GATAD2A: variants seen among roughly 807,000 people sequenced by gnomAD.
The protein encoded by GATAD2A is GATA zinc finger domain containing 2A.
Under a neutral mutation model 68.5 loss-of-function variants are expected in GATAD2A, and 12 were observed. The observed-to-expected ratio is 0.18, with a 90% confidence interval of 0.11 to 0.28. The LOEUF (loss-of-function observed/expected upper bound fraction) is 0.28, where lower values mean the gene tolerates loss of function less well. Among genes scored for constraint, GATAD2A ranks in the 10% least tolerant of loss-of-function variants. The pLI, the probability that GATAD2A is intolerant of heterozygous loss-of-function variation, is 1.00. For missense variants in GATAD2A, 755 were observed against 868.5 expected (o/e 0.87, Z 1.64); for synonymous variants, 410 against 375.3 (o/e 1.09, Z -1.07).
intron 1 of GATAD2A, among the ~76,000 whole-genome samples, chr19:19,397,000 C>T (rs550231004): frequency 6.6e-6 from 1 of 152,264 alleles, no homozygotes; most frequent in East Asian, 1.9e-4. Flanking sequence ...GCCACTGCTC[C>T]CAGCCGTTAG....
At chr19:19,401,974 G>T (rs2049792735), upstream of GATAD2A, 1 of 152,328 alleles carries the variant, frequency 6.6e-6, no homozygotes, top group South Asian at 2.1e-4. Flanking sequence ...TTTTGCTGTA[G>T]TTAAGGTAGA....
At chr19:19,488,582 G>A (rs1018766866) in intron 2 of GATAD2A, among the ~76,000 whole-genome samples, 1 of 152,202 alleles carries the variant, frequency 6.6e-6, no homozygotes, top group African/African-American at 2.4e-5. Context: ...GTGGGATCGT[G>A]TCTCAATTTA....
intron 1 of GATAD2A, among the ~76,000 whole-genome samples, chr19:19,388,297 T>C (rs990710332): frequency 2.0e-5 from 3 of 152,098 alleles, no homozygotes; most frequent in African/African-American, 7.2e-5. Context: ...CCTCAGGTGA[T>C]CCGCCGGCCT....
rs1310008332 is a variant in GATAD2A, at chr19:19,505,701, G to C, written c.*227G>C. ...AGGCAGACGAGGATCATCGCTGGGGGACCTTTCCCGTGGGCTTTCTTCCTT... is the reference window on the plus strand; with the variant it reads ...AGGCAGACGAGGATCATCGCTGGGGCACCTTTCCCGTGGGCTTTCTTCCTT... On this transcript the variant is annotated 3_prime_UTR_variant, in exon 12 of 12. Coordinates refer to ENST00000683918, the MANE Select transcript of GATAD2A (RefSeq NM_001384528.1). 3 of 477,582 alleles carry C rather than the reference G, an allele frequency of 6.3e-6. No individual in the cohort carries two copies. The highest frequency in any genetic ancestry group is 1.1e-5 in the Non-Finnish European group (3 of 273,792). 29.6% of individuals were successfully genotyped at this position (477,582 alleles called of 1,614,324 possible).
At chr19:19,459,415 A>G (rs2057228061) in intron 1 of GATAD2A, among the ~76,000 whole-genome samples, 1 of 151,088 alleles carries the variant, frequency 6.6e-6, no homozygotes, top group South Asian at 2.1e-4. Context: ...CTATTCTGCA[A>G]CTTTTCTCCC....
chr19:19,492,104 C>A (rs922590801), intron 2 of GATAD2A, among the ~76,000 whole-genome samples: 1 of 152,218 alleles, frequency 6.6e-6, no homozygotes, highest in Non-Finnish European at 1.5e-5. Flanking sequence ...CCCACCTGGG[C>A]ACTGGGATTG....
chr19:19,508,702 T>A lies in GATAD2A; in HGVS notation c.*3228T>A, dbSNP rs755514593. ...CAATTTTATAATCCTTAAAGTGTAA[T>A]AGACGGTTACACTAGTGCAGGGTAT... On this transcript the variant is annotated 3_prime_UTR_variant, in exon 12 of 12. Coordinates refer to ENST00000683918, the MANE Select transcript of GATAD2A (RefSeq NM_001384528.1). 1 of 152,226 alleles carries A rather than the reference T, an allele frequency of 6.6e-6. No homozygotes were observed. The highest frequency in any genetic ancestry group is 1.5e-5 in the Non-Finnish European group (1 of 68,040). The allele number at this position is 152,226 out of a possible 1,614,324, so 9.4% of individuals were successfully genotyped here. A position where few individuals can be genotyped will look rare whatever the true frequency, so the allele number is the denominator to read the frequency against.
intron 2 of GATAD2A, among the ~76,000 whole-genome samples, chr19:19,481,966 G>T (rs1299109248): frequency 6.6e-6 from 1 of 152,124 alleles, no homozygotes; most frequent in East Asian, 1.9e-4. Flanking sequence ...AATTCGCTGG[G>T]TGTGGTGGCT....
chr19:19,501,836 C>A, intron 9 of GATAD2A, 133 bp from the exon 10 acceptor site: 1 of 680,324 alleles, frequency 1.5e-6, no homozygotes, highest in Non-Finnish European at 2.6e-6. Flanking sequence ...ATTCACTAAA[C>A]GCATTTTCTC....
At chr19:19,442,211 A>G (rs755508555) in intron 1 of GATAD2A, among the ~76,000 whole-genome samples, 27 of 152,212 alleles carry the variant, frequency 1.8e-4, no homozygotes, top group Non-Finnish European at 2.9e-4. Context: ...TGCATTGGGA[A>G]CATGGTAATT....
At chr19:19,439,813 A>C (rs1431979789) in intron 1 of GATAD2A, among the ~76,000 whole-genome samples, 3 of 152,128 alleles carry the variant, frequency 2.0e-5, no homozygotes, top group Non-Finnish European at 4.4e-5. Context: ...ACGCCACTGC[A>C]CTCCAGCATG....
chr19:19,498,923 C>A (rs764542661), intron 8 of GATAD2A, among the ~76,000 whole-genome samples: 3 of 152,226 alleles, frequency 2.0e-5, no homozygotes, highest in Non-Finnish European at 1.5e-5. Flanking sequence ...AGAGCCAGGC[C>A]CCGAGAGGCT....
At chr19:19,394,958 T>TC (rs1177091892) in intron 1 of GATAD2A, among the ~76,000 whole-genome samples, 1 of 152,156 alleles carries the variant, frequency 6.6e-6, no homozygotes, top group African/African-American at 2.4e-5. Context: ...TCTTTTTTTT[T>TC]CCCTTCCACC....
At chr19:19,395,623 T>G (rs757955926) in intron 1 of GATAD2A, among the ~76,000 whole-genome samples, 2 of 152,202 alleles carry the variant, frequency 1.3e-5, no homozygotes, top group Non-Finnish European at 2.9e-5. Flanking sequence ...GATGGTTTCT[T>G]GTTATATTAT....
chr19:19,467,690 A>C (rs1180623945), intron 2 of GATAD2A, among the ~76,000 whole-genome samples: 1 of 152,172 alleles, frequency 6.6e-6, no homozygotes, highest in East Asian at 1.9e-4. Context: ...TTACCATCTT[A>C]TGACCGAATC....
At chr19:19,463,986 G>A (rs1350492798) in intron 1 of GATAD2A, among the ~76,000 whole-genome samples, 1 of 152,246 alleles carries the variant, frequency 6.6e-6, no homozygotes, top group Admixed American at 6.5e-5. Flanking sequence ...TAAGGAAGCT[G>A]CAGATGAGTC....
rs989136758 is a variant in GATAD2A, at chr19:19,507,373, CAG to C, written c.*1900_*1901del. On this transcript the variant is annotated 3_prime_UTR_variant, in exon 12 of 12. Coordinates refer to ENST00000683918, the MANE Select transcript of GATAD2A (RefSeq NM_001384528.1). Reference sequence around the variant, plus strand: ...GCTGTTAGCCCTCTCTGTTCCATGACAGGGGCCAGATCTTCCAGCTCCTCCCA... The same window carrying C: ...GCTGTTAGCCCTCTCTGTTCCATGACGGGCCAGATCTTCCAGCTCCTCCCA... 16 of 152,248 alleles carry C rather than the reference CAG, an allele frequency of 1.1e-4. No homozygotes were observed. The highest frequency in any genetic ancestry group is 2.4e-4 in the African/African-American group (10 of 41,532). The allele number at this position is 152,248 out of a possible 1,614,324, so 9.4% of individuals were successfully genotyped here.
intron 1 of GATAD2A, among the ~76,000 whole-genome samples, chr19:19,463,479 C>T (rs1022506740): frequency 2.0e-5 from 3 of 149,070 alleles, no homozygotes; most frequent in Non-Finnish European, 4.5e-5. Context: ...CTCCATTCCA[C>T]GGAGGAGCTG....
chr19:19,465,382 C>T lies in GATAD2A; in HGVS notation c.37C>T (p.Arg13Ter), dbSNP rs2057789741. 8 of 1,613,948 alleles carry T rather than the reference C, an allele frequency of 5.0e-6. No homozygotes were observed. In the South Asian group the frequency reaches 5.5e-5, roughly 11 times the overall value. ...EEACRTRSQK[R>*]ALERDPTEDD... ...AGCATGCCGAACACGGAGTCAGAAA[C>T]GAGCGCTTGAACGGGACCCAACAGA... Residue 13 changes from arginine to a stop codon, truncating the protein, a stop_gained, in exon 2 of 12, where the codon CGA (arginine) becomes TGA (stop). Coordinates refer to ENST00000683918, the MANE Select transcript of GATAD2A (RefSeq NM_001384528.1). LOFTEE classifies it high-confidence loss of function.
Sources: allele counts gnomAD v4.1 joint callset (sites outside exome capture counted in the v4.1 genomes callset), GRCh38; gene constraint gnomAD v4.1.1; transcripts MANE v1.5; gene names NCBI Gene and HGNC (gene_info 2026-07-23, HGNC 2026-07-21).